CDYL: variants seen among roughly 807,000 people sequenced by gnomAD.
The protein encoded by CDYL is chromodomain Y like.
A neutral mutation model predicts 47.3 loss-of-function variants in CDYL; 8 were observed. That is an observed-to-expected ratio of 0.17 (90% CI 0.10 to 0.31). The LOEUF is 0.31. Ranked by LOEUF, CDYL falls within the 10% of genes least tolerant of loss-of-function variation. CDYL has a pLI of 1.00. For synonymous variants in CDYL, 266 were observed against 265.0 expected (o/e 1.00, Z -0.04); for missense variants, 471 against 701.4 (o/e 0.67, Z 3.71).
At chr6:4,812,345 C>T (rs950338621) in intron 1 of CDYL, among the ~76,000 whole-genome samples, 1 of 152,156 alleles carries the variant, frequency 6.6e-6, no homozygotes, top group Non-Finnish European at 1.5e-5. Flanking sequence ...TTAAGGTTGT[C>T]TGCAGCTTTT....
intron 2 of CDYL, among the ~76,000 whole-genome samples, chr6:4,923,102 T>C (rs575832280): frequency 6.6e-6 from 1 of 152,368 alleles, no homozygotes; most frequent in South Asian, 2.1e-4. Flanking sequence ...TCTGCTCTAT[T>C]TGAAAATATA....
chr6:4,852,744 A>C (rs1219426848), intron 1 of CDYL, among the ~76,000 whole-genome samples: 2 of 151,012 alleles, frequency 1.3e-5, no homozygotes, highest in Non-Finnish European at 2.9e-5. Context: ...CAAATACATT[A>C]TTTTTGTTTG....
chr6:4,731,670 G>T (rs1003600272), intron 2 of CDYL, among the ~76,000 whole-genome samples: 1 of 152,098 alleles, frequency 6.6e-6, no homozygotes, highest in African/African-American at 2.4e-5. Flanking sequence ...GCGGTGGCAT[G>T]CACCTGTAAT....
intron 1 of CDYL, among the ~76,000 whole-genome samples, chr6:4,708,163 CACACACACACACACAT>C (rs1324939968): frequency 6.8e-6 from 1 of 147,730 alleles, no homozygotes; most frequent in African/African-American, 2.7e-5. Flanking sequence ...CACACACACA[CACACACACACACACAT>C]ATATATATAT....
At chr6:4,740,490 G>A (rs1288889395) in intron 3 of CDYL, among the ~76,000 whole-genome samples, 1 of 152,148 alleles carries the variant, frequency 6.6e-6, no homozygotes, top group Non-Finnish European at 1.5e-5. Context: ...TGGTCCAAAT[G>A]TCAATAGTGC....
At chr6:4,749,550 ATAGTTATT>A (rs1403506752) in intron 3 of CDYL, among the ~76,000 whole-genome samples, 4 of 152,250 alleles carry the variant, frequency 2.6e-5, no homozygotes, top group Non-Finnish European at 5.9e-5. Flanking sequence ...CACTATTCAG[ATAGTTATT>A]GAATAGACTG....
chr6:4,888,690 T>C (rs143284397), intron 1 of CDYL, among the ~76,000 whole-genome samples: 41 of 152,286 alleles, frequency 2.7e-4, no homozygotes, highest in African/African-American at 9.9e-4. Context: ...GCCAGTGTCC[T>C]AAGATAAAGG....
At position 4,820,429 on chromosome 6, in the gene CDYL, T is replaced by G. The variant is rs75755651; in HGVS notation, c.24+43622T>G. On this transcript the variant is annotated intron_variant, in intron 1 of 6. Transcript: ENST00000397588. Reference sequence around the variant, plus strand: ...CAGGTTCAACTTTCTGAACCCAGCTTGTACCACGGTAAAGAGATGGGTTCC... The same window carrying G: ...CAGGTTCAACTTTCTGAACCCAGCTGGTACCACGGTAAAGAGATGGGTTCC... Among the ~76,000 whole-genome samples, 1,229 of 152,272 alleles carry G rather than the reference T, an allele frequency of 8.1e-3. 17 individuals are homozygous for G. Among genetic ancestry groups the G allele is most frequent in the African/African-American group, 0.027 (1,142 of 41,544 alleles).
rs994390493 is a variant in CDYL at position 4,795,962 on chromosome 6, C to CT, written c.24+19162dup. Among the ~76,000 whole-genome samples the CT allele has an allele frequency of 4.6e-5, 7 of 152,104 alleles. No homozygotes were observed. The South Asian group carries it at 8.3e-4, about 18-fold the overall frequency. On this transcript the variant is annotated intron_variant, in intron 1 of 6. Transcript: ENST00000397588. ...TTTCTGTTTATTTAAAATACATTCA[C>CT]TTTTTTTCCTGAGACAGAGTCTTGC...
intron 5 of CDYL, 142 bp downstream of exon 5, chr6:4,943,898 A>C (rs887916093): frequency 2.4e-5 from 15 of 631,128 alleles, no homozygotes; most frequent in Non-Finnish European, 3.9e-5. Flanking sequence ...ATTTGGGTTC[A>C]TAGACGTTGT....
intron 1 of CDYL, among the ~76,000 whole-genome samples, chr6:4,710,539 A>C (rs1485614186): frequency 2.7e-5 from 4 of 146,304 alleles, no homozygotes; most frequent in Non-Finnish European, 4.5e-5. Context: ...CACCAGTTTT[A>C]TCTCTAAACC....
intron 1 of CDYL, among the ~76,000 whole-genome samples, chr6:4,852,336 CTCCTTCCT>C (rs1202537013): frequency 7.2e-5 from 10 of 139,136 alleles, no homozygotes; most frequent in African/African-American, 1.9e-4. Context: ...CCTTCCTTCC[CTCCTTCCT>C]TCCTTCCAAT....
chr6:4,850,420 T>C (rs1760789291), intron 1 of CDYL, among the ~76,000 whole-genome samples: 1 of 152,236 alleles, frequency 6.6e-6, no homozygotes, highest in East Asian at 1.9e-4. Context: ...AGCGAAAAAG[T>C]TTATAATTTT....
rs115308400 is a variant in CDYL at position 4,896,028 on chromosome 6, C to T, written c.691+3649C>T. 4.9e-3 allele frequency among the ~76,000 whole-genome samples: 742 copies of T among 152,324 alleles called. 8 individuals are homozygous for T. Among genetic ancestry groups the T allele is most frequent in the African/African-American group, 0.017 (707 of 41,562 alleles). ...TCATTTTTCTCCAAAGCTATGATCT[C>T]TACCCCTCTCTCACTTCTGCCTGGG... On this transcript the variant is annotated intron_variant, in intron 2 of 6. Transcript: ENST00000397588.
intron 2 of CDYL, among the ~76,000 whole-genome samples, chr6:4,902,533 C>T (rs991219376): frequency 6.6e-6 from 1 of 152,162 alleles, no homozygotes; most frequent in African/African-American, 2.4e-5. Context: ...TGCAGCTGTG[C>T]CCAAGATGCT....
intron 1 of CDYL, among the ~76,000 whole-genome samples, chr6:4,876,046 C>T (rs1761612544): frequency 6.6e-6 from 1 of 152,106 alleles, no homozygotes; most frequent in Non-Finnish European, 1.5e-5. Context: ...ACCTGGGTAA[C>T]CTAAAAGCTT....
intron 2 of CDYL, among the ~76,000 whole-genome samples, chr6:4,903,358 C>T (rs1479602606): frequency 1.3e-5 from 2 of 152,178 alleles, no homozygotes; most frequent in African/African-American, 4.8e-5. Flanking sequence ...GACATTTCGT[C>T]CTAGTTTTTC....
intron 1 of CDYL, among the ~76,000 whole-genome samples, chr6:4,825,931 G>A (rs1561656123): frequency 1.3e-5 from 2 of 151,848 alleles, no homozygotes; most frequent in Admixed American, 6.5e-5. Context: ...CCTTGTTTCA[G>A]CTGTGAGACC....
At chr6:4,708,783 C>A (rs1183968732) in intron 1 of CDYL, among the ~76,000 whole-genome samples, 4 of 152,162 alleles carry the variant, frequency 2.6e-5, no homozygotes, top group African/African-American at 9.7e-5. Context: ...CTTTGGGAGG[C>A]CAAGATGGGT....
Sources: allele counts gnomAD v4.1 joint callset (sites outside exome capture counted in the v4.1 genomes callset), GRCh38; gene constraint gnomAD v4.1.1; transcripts MANE v1.5; gene names NCBI Gene and HGNC (gene_info 2026-07-23, HGNC 2026-07-21).